Variants in ATRNL1 observed in about 807,000 individuals in gnomAD.
The protein encoded by ATRNL1 is attractin-like protein 1.
In ATRNL1, 95 loss-of-function variants were observed where a neutral mutation model predicts 182.7. The observed-to-expected ratio is 0.52, with a 90% CI of 0.44 to 0.62. ATRNL1 has a LOEUF of 0.62. Ranked by LOEUF, ATRNL1 falls within the 20% of genes least tolerant of loss-of-function variation. ATRNL1 has a pLI of 0.00. For synonymous variants in ATRNL1, 576 were observed against 568.3 expected (o/e 1.01, Z -0.19); for missense variants, 1,471 against 1,679.5 (o/e 0.88, Z 2.17).
At chr10:115,891,561 G>A (rs981647019) in intron 28 of ATRNL1, among the ~76,000 whole-genome samples, 6 of 152,136 alleles carry the variant, frequency 3.9e-5, no homozygotes, top group Non-Finnish European at 8.8e-5. Context: ...AATGATGATC[G>A]TGAATCTTCT....
chr10:115,691,288 A>G (rs574960867), intron 26 of ATRNL1, among the ~76,000 whole-genome samples: 23 of 152,178 alleles, frequency 1.5e-4, no homozygotes, highest in South Asian at 4.1e-4. Flanking sequence ...AACATTGATT[A>G]TCTTTTGCTT....
chr10:115,217,783 T>C (rs1053833415), intron 9 of ATRNL1, among the ~76,000 whole-genome samples: 31 of 152,320 alleles, frequency 2.0e-4, no homozygotes, highest in African/African-American at 7.5e-4. Flanking sequence ...TACAAATATG[T>C]TGTAGATGTA....
intron 28 of ATRNL1, among the ~76,000 whole-genome samples, chr10:115,876,395 T>C (rs1473070170): frequency 2.0e-5 from 3 of 152,196 alleles, no homozygotes; most frequent in African/African-American, 7.2e-5. Context: ...ACCAAGTCTT[T>C]TGTTATTCTA....
At chr10:115,452,475 T>C (rs1554967847) in intron 21 of ATRNL1, among the ~76,000 whole-genome samples, 1 of 152,138 alleles carries the variant, frequency 6.6e-6, no homozygotes, top group Non-Finnish European at 1.5e-5. Context: ...AGTTTTTCTT[T>C]TTTATTGTTT....
chr10:115,477,014 G>A (rs1433768282), intron 24 of ATRNL1, among the ~76,000 whole-genome samples: 1 of 151,392 alleles, frequency 6.6e-6, no homozygotes, highest in African/African-American at 2.4e-5. Context: ...ATTGAGAGAT[G>A]AGTAATATAT....
At position 115,469,341 on chromosome 10, in the gene ATRNL1, G is replaced by C. The variant is rs782460827; in HGVS notation, c.3654+12G>C. 3 of 1,486,456 alleles carry C rather than the reference G, an allele frequency of 2.0e-6. No individual in the cohort carries two copies. Among genetic ancestry groups the C allele is most frequent in the Non-Finnish European group, 1.8e-6 (2 of 1,113,356 alleles). The allele number at this position is 1,486,456 out of a possible 1,614,324, so 92.1% of individuals were successfully genotyped here. Reference sequence around the variant, plus strand: ...CTATTAAAATACAGGTAAGTGTTAAGAGTATTTACTTCTAATGACCATAAT... The same window carrying C: ...CTATTAAAATACAGGTAAGTGTTAACAGTATTTACTTCTAATGACCATAAT... On this transcript the variant is annotated intron_variant, in intron 24 of 28. Coordinates refer to ENST00000355044, the MANE Select transcript of ATRNL1 (RefSeq NM_207303.4).
intron 21 of ATRNL1, among the ~76,000 whole-genome samples, chr10:115,426,578 G>A (rs1845908819): frequency 1.3e-5 from 2 of 152,076 alleles, no homozygotes; most frequent in South Asian, 2.1e-4. Flanking sequence ...TTTTAATGTA[G>A]TCCTTTTCAT....
At chr10:115,270,687 C>T (rs1336127767) in intron 13 of ATRNL1, among the ~76,000 whole-genome samples, 1 of 151,808 alleles carries the variant, frequency 6.6e-6, no homozygotes, top group Non-Finnish European at 1.5e-5. Context: ...TTTGTTCTTT[C>T]AGGCCCTCAA....
intron 26 of ATRNL1, among the ~76,000 whole-genome samples, chr10:115,555,860 A>T (rs541369621): frequency 2.6e-5 from 4 of 152,174 alleles, no homozygotes; most frequent in Middle Eastern, 3.4e-3. Context: ...AGAGAACATG[A>T]TCTAACATTT....
intron 26 of ATRNL1, among the ~76,000 whole-genome samples, chr10:115,572,761 G>C (rs1041625868): frequency 6.6e-6 from 1 of 152,282 alleles, no homozygotes; most frequent in South Asian, 2.1e-4. Context: ...CAAGATCCAA[G>C]TCTTGATTAA....
At chr10:115,640,890 T>C (rs1555030092) in intron 26 of ATRNL1, among the ~76,000 whole-genome samples, 3 of 152,120 alleles carry the variant, frequency 2.0e-5, no homozygotes, top group Non-Finnish European at 4.4e-5. Context: ...TCTTCTAGAG[T>C]TTTTATGGTT....
At chr10:115,829,843 T>A (rs2134307745) in intron 27 of ATRNL1, among the ~76,000 whole-genome samples, 1 of 152,302 alleles carries the variant, frequency 6.6e-6, no homozygotes, top group East Asian at 1.9e-4. Context: ...TCCTTAGGCA[T>A]TTACAAACAC....
At chr10:115,405,741 T>C (rs1441764795) in intron 20 of ATRNL1, among the ~76,000 whole-genome samples, 1 of 152,004 alleles carries the variant, frequency 6.6e-6, no homozygotes, top group African/African-American at 2.4e-5. Flanking sequence ...GTGCACAACG[T>C]GCAGGTTAGT....
At chr10:115,383,953 A>G (rs566708591) in intron 19 of ATRNL1, among the ~76,000 whole-genome samples, 3 of 152,098 alleles carry the variant, frequency 2.0e-5, no homozygotes, top group South Asian at 4.1e-4. Context: ...CTTGATATCA[A>G]CTGAGAAGCA....
chr10:115,781,294 T>C (rs895408996), intron 27 of ATRNL1, among the ~76,000 whole-genome samples: 1 of 152,148 alleles, frequency 6.6e-6, no homozygotes, highest in Non-Finnish European at 1.5e-5. Flanking sequence ...AACAATTTGG[T>C]CCTATATTCT....
chr10:115,364,957 T>C (rs1279335029), intron 19 of ATRNL1, among the ~76,000 whole-genome samples: 13 of 151,506 alleles, frequency 8.6e-5, no homozygotes, highest in Non-Finnish European at 1.3e-4. Context: ...TCAAGGTTCA[T>C]CAAGGATATT....
chr10:115,246,132 C>T (rs1370261673), intron 10 of ATRNL1, among the ~76,000 whole-genome samples: 3 of 152,140 alleles, frequency 2.0e-5, no homozygotes, highest in African/African-American at 7.2e-5. Flanking sequence ...GCATGTCACA[C>T]ATGATTTATA....
At position 115,310,954 on chromosome 10, in the gene ATRNL1, C is replaced by T. The variant is rs545709846; in HGVS notation, c.2819-4564C>T. 1.2e-4 allele frequency among the ~76,000 whole-genome samples: 18 copies of T among 152,190 alleles called. 1 individual carries two copies. The East Asian group carries it at 3.5e-3, about 29-fold the overall frequency. ...GACTTTTTGATGCAGGCATTTAGTA[C>T]TATAAACTTTTAGCACCACTTTTGC... On this transcript the variant is annotated intron_variant, in intron 17 of 28. Coordinates refer to ENST00000355044, the MANE Select transcript of ATRNL1 (RefSeq NM_207303.4).
At chr10:115,901,497 T>TGGCAGGTTTTTA (rs1200264538) in intron 28 of ATRNL1, among the ~76,000 whole-genome samples, 1 of 152,182 alleles carries the variant, frequency 6.6e-6, no homozygotes, top group Non-Finnish European at 1.5e-5. Context: ...TGTTAATTGA[T>TGGCAGGTTTTTA]GGCAGGTTTT....
Sources: allele counts gnomAD v4.1 joint callset (sites outside exome capture counted in the v4.1 genomes callset), GRCh38; gene constraint gnomAD v4.1.1; transcripts MANE v1.5; gene names NCBI Gene and HGNC (gene_info 2026-07-23, HGNC 2026-07-21).